The following CEP63 variants were observed in gnomAD, a reference collection of about 807,000 sequenced individuals.
CEP63 encodes the protein centrosomal protein of 63 kDa.
In CEP63, 84 loss-of-function variants were observed where a neutral mutation model predicts 89.1. The observed-to-expected ratio is 0.94, with a 90% CI of 0.79 to 1.13. CEP63 has a LOEUF of 1.13. Among genes scored for constraint, CEP63 ranks in the 50% most tolerant of loss-of-function variants. The pLI, the probability that CEP63 is intolerant of heterozygous loss-of-function variation, is 0.00. For missense variants in CEP63, 838 were observed against 813.3 expected, an observed-to-expected ratio of 1.03 and a Z score of -0.37; for synonymous variants, 267 against 272.5, an observed-to-expected ratio of 0.98 and a Z score of 0.20.
Position 134,574,008 on chromosome 3 carries a change from A to G in CEP63, c.1330-785A>G, listed in dbSNP as rs139225882. Reference sequence around the variant, plus strand: ...AAGAAGACCAGGTTTGAACAAGCACACTACAGTCTCTGTAGGTCACAATCC... The same window carrying G: ...AAGAAGACCAGGTTTGAACAAGCACGCTACAGTCTCTGTAGGTCACAATCC... On this transcript the variant is annotated intron_variant, in intron 11 of 11. Coordinates refer to the CEP63 transcript ENST00000354446. Among the ~76,000 whole-genome samples the G allele has an allele frequency of 8.7e-4, 133 of 152,310 alleles. 3 individuals carry two copies. The East Asian group carries it at 0.01, about 12-fold the overall frequency.
At chr3:134,544,122 G>A (rs370212659) in intron 6 of CEP63, among the ~76,000 whole-genome samples, 85 of 152,212 alleles carry the variant, frequency 5.6e-4, no homozygotes, top group Non-Finnish European at 1.1e-3. Flanking sequence ...ATTTGGACCT[G>A]TACTGTAAAT....
downstream of CEP63, among the ~76,000 whole-genome samples, chr3:134,565,282 A>G (rs559833584): frequency 5.3e-5 from 8 of 152,270 alleles, no homozygotes; most frequent in African/African-American, 1.9e-4. Context: ...TTGCAGACTC[A>G]TTTGATCTCA....
chr3:134,581,922 G>A (rs937825743), intron 10 of CEP63, among the ~76,000 whole-genome samples: 27 of 151,694 alleles, frequency 1.8e-4, no homozygotes, highest in Non-Finnish European at 2.9e-4. Context: ...TGATCCGCCC[G>A]CCTCGGCCTC....
At chr3:134,709,095 T>C in the CEP63 span, among the ~76,000 whole-genome samples, 5 of 152,220 alleles carry the variant, frequency 3.3e-5, no homozygotes, top group Admixed American at 2.0e-4. Context: ...GGATATTTTT[T>C]AATGAAGACC....
chr3:134,601,439 C>A, the CEP63 span, among the ~76,000 whole-genome samples: 1 of 152,190 alleles, frequency 6.6e-6, no homozygotes, highest in Non-Finnish European at 1.5e-5. Context: ...AGGCAGCCAG[C>A]GCGGGGTCCA....
At chr3:134,739,580 T>C in the CEP63 span, among the ~76,000 whole-genome samples, 1 of 152,174 alleles carries the variant, frequency 6.6e-6, no homozygotes, top group Non-Finnish European at 1.5e-5. Context: ...ATGAACTAGT[T>C]ACACACATCA....
chr3:134,636,251 T>C, the CEP63 span, among the ~76,000 whole-genome samples: 1 of 152,238 alleles, frequency 6.6e-6, no homozygotes, highest in Non-Finnish European at 1.5e-5. Context: ...TATGATCTTA[T>C]CAGTAGTGCA....
the CEP63 span, among the ~76,000 whole-genome samples, chr3:134,771,595 C>G: frequency 6.6e-6 from 1 of 152,094 alleles, no homozygotes; most frequent in Non-Finnish European, 1.5e-5. Flanking sequence ...TGAGAATGAC[C>G]AGGATAGTGT....
At chr3:134,688,484 T>A in the CEP63 span, among the ~76,000 whole-genome samples, 1 of 152,190 alleles carries the variant, frequency 6.6e-6, no homozygotes, top group South Asian at 2.1e-4. Context: ...TTACTAAAAA[T>A]CATTGAATTG....
intron 6 of CEP63, among the ~76,000 whole-genome samples, chr3:134,543,270 AAG>A (rs1952438395): frequency 6.6e-6 from 1 of 152,232 alleles, no homozygotes; most frequent in Non-Finnish European, 1.5e-5. Context: ...TTTTACGGTT[AAG>A]AGCACATCTC....
intron 3 of CEP63, among the ~76,000 whole-genome samples, chr3:134,530,128 C>G (rs1480010452): frequency 5.3e-5 from 8 of 152,154 alleles, no homozygotes; most frequent in Admixed American, 5.2e-4. Context: ...CTGCCTCAGC[C>G]TCCCAAAGTG....
At chr3:134,749,622 T>A in the CEP63 span, among the ~76,000 whole-genome samples, 1 of 135,204 alleles carries the variant, frequency 7.4e-6, no homozygotes, top group Non-Finnish European at 1.5e-5. Context: ...CCGGGAGAGC[T>A]GTACAGAGAG....
At chr3:134,771,485 C>G in the CEP63 span, among the ~76,000 whole-genome samples, 1 of 152,178 alleles carries the variant, frequency 6.6e-6, no homozygotes, top group Non-Finnish European at 1.5e-5. Context: ...GGCCCCACCC[C>G]CAAAGTTTCT....
the CEP63 span, among the ~76,000 whole-genome samples, chr3:134,628,468 G>A: frequency 1.3e-5 from 2 of 152,304 alleles, no homozygotes; most frequent in Middle Eastern, 3.4e-3. Context: ...GGATGCCAAG[G>A]CAGGTAGTTT....
the CEP63 span, among the ~76,000 whole-genome samples, chr3:134,718,838 G>C: frequency 6.6e-6 from 1 of 152,124 alleles, no homozygotes; most frequent in Non-Finnish European, 1.5e-5. Context: ...CACTTTCCTC[G>C]CTGGGATGGA....
the CEP63 span, among the ~76,000 whole-genome samples, chr3:134,718,023 CCCT>C: frequency 6.6e-6 from 1 of 152,140 alleles, no homozygotes; most frequent in South Asian, 2.1e-4. Context: ...GGAGAATCAC[CCCT>C]CCTCCAGTCT....
At chr3:134,726,335 TG>T in the CEP63 span, among the ~76,000 whole-genome samples, 1 of 152,132 alleles carries the variant, frequency 6.6e-6, no homozygotes, top group African/African-American at 2.4e-5. Context: ...GGCCCGGCTT[TG>T]GGTCGGGCTT....
At chr3:134,744,407 T>A in the CEP63 span, among the ~76,000 whole-genome samples, 7 of 152,332 alleles carry the variant, frequency 4.6e-5, no homozygotes, top group South Asian at 1.5e-3. Flanking sequence ...GAAAGAATTG[T>A]GTCTATAAGA....
At position 134,530,027 on chromosome 3, in the gene CEP63, C is replaced by T. The variant is rs113407767; in HGVS notation, c.223-1818C>T. Among the ~76,000 whole-genome samples, 253 of 152,110 alleles carry T rather than the reference C, an allele frequency of 1.7e-3. 1 individual carries two copies. The highest frequency in any genetic ancestry group is 5.9e-3 in the African/African-American group (244 of 41,502). On this transcript the variant is annotated intron_variant, in intron 3 of 14. Coordinates refer to ENST00000675561, the MANE Select transcript of CEP63 (RefSeq NM_001353108.3). The stretch of plus-strand genomic sequence containing the variant: ...TAGCTGGGACTACAGGCACCCGCCA[C>T]CACACCTGGCTAATTTTTTGTATTT...
Sources: allele counts gnomAD v4.1 joint callset (sites outside exome capture counted in the v4.1 genomes callset), GRCh38; gene constraint gnomAD v4.1.1; transcripts MANE v1.5; gene names NCBI Gene and HGNC (gene_info 2026-07-23, HGNC 2026-07-21).